PTPRD: variants seen among roughly 807,000 people sequenced by gnomAD.
The protein encoded by PTPRD is receptor-type tyrosine-protein phosphatase delta.
Under a neutral mutation model 214.5 loss-of-function variants are expected in PTPRD, and 34 were observed. The ratio of observed to expected loss-of-function variants is 0.16; its 90% confidence interval spans 0.12 to 0.21. The LOEUF (loss-of-function observed/expected upper bound fraction) is 0.21. PTPRD is among the 10% of genes least tolerant of loss of function. The probability of loss-of-function intolerance (pLI) is 1.00; values close to 1 mark genes in which losing one functional copy is unlikely to be tolerated. For missense variants in PTPRD, 2,545 were observed against 2,398.7 expected, an observed-to-expected ratio of 1.06 and a Z score of -1.27; for synonymous variants, 1,128 against 845.7, an observed-to-expected ratio of 1.33 and a Z score of -5.79.
At chr9:9,543,123 A>T (rs570783278) in intron 8 of PTPRD, among the ~76,000 whole-genome samples, 1 of 151,846 alleles carries the variant, frequency 6.6e-6, no homozygotes, top group African/African-American at 2.4e-5. Flanking sequence ...GCTTAGCCAT[A>T]AAAAGGAATG....
chr9:8,924,599 C>T (rs2098853731), intron 11 of PTPRD, among the ~76,000 whole-genome samples: 1 of 152,086 alleles, frequency 6.6e-6, no homozygotes, highest in South Asian at 2.1e-4. Flanking sequence ...ACCTCACCTC[C>T]CTAGACAGAT....
intron 10 of PTPRD, among the ~76,000 whole-genome samples, chr9:9,140,609 C>T (rs542513282): frequency 2.0e-5 from 3 of 152,190 alleles, no homozygotes; most frequent in South Asian, 2.1e-4. Context: ...GACGGAGTCT[C>T]GCTCTGTCGC....
intron 9 of PTPRD, among the ~76,000 whole-genome samples, chr9:9,258,090 G>GAGATAGATAGAT (rs71319208): frequency 0.021 from 3,149 of 148,336 alleles, 62 homozygotes; most frequent in African/African-American, 0.046. Flanking sequence ...TGAATGGATA[G>GAGATAGATAGAT]AGATAGATAG....
chr9:8,523,924 A>G (rs184918409), intron 18 of PTPRD, among the ~76,000 whole-genome samples: 28 of 152,330 alleles, frequency 1.8e-4, no homozygotes, highest in Admixed American at 1.6e-3. Flanking sequence ...AATTACCTCT[A>G]ACAAAAATTT....
intron 9 of PTPRD, among the ~76,000 whole-genome samples, chr9:9,214,900 C>G (rs1294402657): frequency 6.6e-6 from 1 of 152,078 alleles, no homozygotes; most frequent in Admixed American, 6.6e-5. Flanking sequence ...TGTTAAGTAA[C>G]GTAATCGAGA....
chr9:10,157,990 G>T (rs577261461), intron 3 of PTPRD, among the ~76,000 whole-genome samples: 25 of 138,508 alleles, frequency 1.8e-4, no homozygotes, highest in African/African-American at 5.0e-4. Context: ...ACCCTATCAA[G>T]TTGTTTATGG....
intron 12 of PTPRD, among the ~76,000 whole-genome samples, chr9:8,689,509 C>T (rs549565568): frequency 5.9e-5 from 9 of 152,006 alleles, no homozygotes; most frequent in South Asian, 2.1e-4. Context: ...TACATGGTGG[C>T]GGTAAAAGAA....
chr9:10,454,013 T>C (rs2098880600), intron 2 of PTPRD, among the ~76,000 whole-genome samples: 1 of 151,678 alleles, frequency 6.6e-6, no homozygotes, highest in South Asian at 2.1e-4. Context: ...TTTAACTATG[T>C]ATTTTCTGAA....
chr9:9,947,709 T>C (rs1469779109), intron 4 of PTPRD, among the ~76,000 whole-genome samples: 1 of 134,244 alleles, frequency 7.4e-6, no homozygotes, highest in Non-Finnish European at 1.5e-5. Context: ...GATTTTTGGT[T>C]CTAAGGACTA....
chr9:8,831,214 C>A (rs986096663), intron 11 of PTPRD, among the ~76,000 whole-genome samples: 1 of 152,148 alleles, frequency 6.6e-6, no homozygotes, highest in African/African-American at 2.4e-5. Context: ...CCAAAACTGT[C>A]ATGAATTCAT....
intron 11 of PTPRD, among the ~76,000 whole-genome samples, chr9:9,017,168 CA>C (rs1314348737): frequency 6.6e-6 from 1 of 152,074 alleles, no homozygotes; most frequent in Non-Finnish European, 1.5e-5. Flanking sequence ...AATAGCCACC[CA>C]AACCCATGAA....
At chr9:9,312,824 T>C (rs888960904) in intron 9 of PTPRD, among the ~76,000 whole-genome samples, 6 of 152,174 alleles carry the variant, frequency 3.9e-5, no homozygotes, top group African/African-American at 1.2e-4. Context: ...CAATAAACAA[T>C]GCAGCACAAA....
intron 2 of PTPRD, among the ~76,000 whole-genome samples, chr9:10,451,245 G>A (rs185535679): frequency 6.4e-4 from 97 of 151,808 alleles, no homozygotes; most frequent in Non-Finnish European, 1.2e-3. Flanking sequence ...GGTGTGCTGG[G>A]GCCAAGCAGA....
intron 9 of PTPRD, among the ~76,000 whole-genome samples, chr9:9,368,434 C>T (rs189995050): frequency 6.6e-6 from 1 of 151,992 alleles, no homozygotes; most frequent in African/African-American, 2.4e-5. Context: ...TCTACTACAA[C>T]ACTCTGAGAG....
chr9:9,426,798 A>T (rs145801233), intron 8 of PTPRD, among the ~76,000 whole-genome samples: 1 of 152,074 alleles, frequency 6.6e-6, no homozygotes, highest in African/African-American at 2.4e-5. Context: ...GCAAACAGGG[A>T]CTGGAGTGGA....
chr9:9,437,959 G>A (rs1030397562), intron 8 of PTPRD, among the ~76,000 whole-genome samples: 1 of 152,138 alleles, frequency 6.6e-6, no homozygotes, highest in African/African-American at 2.4e-5. Flanking sequence ...TTGAAATTGC[G>A]GTGTCTGCAG....
At chr9:9,915,093 G>T (rs1407257664) in intron 5 of PTPRD, among the ~76,000 whole-genome samples, 1 of 152,108 alleles carries the variant, frequency 6.6e-6, no homozygotes, top group African/African-American at 2.4e-5. Flanking sequence ...CTTAGCATAG[G>T]CTACTGAGCA....
intron 4 of PTPRD, among the ~76,000 whole-genome samples, chr9:9,993,252 T>G (rs1402650008): frequency 1.3e-5 from 2 of 152,208 alleles, no homozygotes; most frequent in African/African-American, 4.8e-5. Context: ...TATGGACATA[T>G]GCATAAACAA....
rs752185780 is a variant in PTPRD at position 8,341,791 on chromosome 9, T to C, written c.4849A>G (p.Asn1617Asp). The change falls in exon 40 of 46, where the codon AAT (asparagine) becomes GAT (aspartate). Residue 1617 changes from asparagine to aspartate, a missense_variant. Coordinates refer to ENST00000381196, the MANE Select transcript of PTPRD (RefSeq NM_002839.4). ...DALLEAVTCG[N>D]TEVPARNLYA... ...AAGTTTCTAGCTGGCACTTCGGTAT[T>C]TCCACAAGTCACTGCTTCTAACAGT... 1 of 1,613,650 alleles carries C rather than the reference T, an allele frequency of 6.2e-7. No homozygotes were observed.
Sources: allele counts gnomAD v4.1 joint callset (sites outside exome capture counted in the v4.1 genomes callset), GRCh38; gene constraint gnomAD v4.1.1; transcripts MANE v1.5; gene names NCBI Gene and HGNC (gene_info 2026-07-23, HGNC 2026-07-21).